GFUS: variants seen among roughly 807,000 people sequenced by gnomAD.
The protein encoded by GFUS is GDP-L-fucose synthase.
In GFUS, 42 loss-of-function variants were observed where a neutral mutation model predicts 41.5. That is an observed-to-expected ratio of 1.01 (90% CI 0.79 to 1.31). GFUS has a LOEUF of 1.31. Ranked by LOEUF, GFUS falls within the 50% of genes most tolerant of loss-of-function variation. The probability of loss-of-function intolerance (pLI) is 0.00; values close to 1 mark genes in which losing one functional copy is unlikely to be tolerated. For missense variants in GFUS, 437 were observed against 428.7 expected (o/e 1.02, Z -0.17); for synonymous variants, 188 against 173.4 (o/e 1.08, Z -0.66).
Position 143,612,939 on chromosome 8 carries a change from T to C in GFUS, c.937A>G (p.Thr313Ala), listed in dbSNP as rs755310981. The change falls in exon 11 of 11, where the codon ACT becomes GCT. Residue 313 changes from threonine (T) to alanine (A), a missense_variant. Transcript: ENST00000425753. ...QAVKETCAWF[T>A]DNYEQARK is the part of the protein sequence containing the mutation. ...TTCCGGGCCTGCTCGTAGTTGTCAG[T>C]GAACCAAGCACAGGTCTCCTTCACC... 6.2e-7 allele frequency: 1 copy of C among 1,610,752 alleles called. No homozygotes were observed. Among genetic ancestry groups the C allele is most frequent in the South Asian group, 1.1e-5 (1 of 90,576 alleles).
chr8:143,616,951 A>G, intron 1 of GFUS: 1 of 590,084 alleles, frequency 1.7e-6, no homozygotes, highest in Non-Finnish European at 3.0e-6. Context: ...AGCCCAGAGC[A>G]GCTGGTCCCA....
chr8:143,613,933 C>G (rs1404851559), intron 7 of GFUS, 116 bp from the exon 8 acceptor site: 2 of 1,261,714 alleles, frequency 1.6e-6, no homozygotes, highest in African/African-American at 1.5e-5. Context: ...GCCTGGGGAA[C>G]AGGGGTCCCT....
At position 143,613,761 on chromosome 8, in the gene GFUS, G is replaced by A. The variant is rs1201951552; in HGVS notation, c.720C>T (p.Ile240=). ...VLREYNEVEP[I]ILSVGEEDEV... Reference sequence around the variant, plus strand: ...GGCTGAGGTACCCACCGGAGAGGATGATGGGCTCCACTTCATTGTACTCCC... The same window carrying A: ...GGCTGAGGTACCCACCGGAGAGGATAATGGGCTCCACTTCATTGTACTCCC... The change falls in exon 8 of 11, where the codon ATC becomes ATT. Residue 240 remains isoleucine (I), a synonymous_variant. Coordinates refer to ENST00000425753, the MANE Select transcript of GFUS (RefSeq NM_003313.4). The A allele has an allele frequency of 3.9e-6, 6 of 1,551,080 alleles. No homozygotes were observed. In the Admixed American group the frequency reaches 1.2e-4, roughly 30 times the overall value.
At position 143,614,377 on chromosome 8, in the gene GFUS, T is replaced by TG; in HGVS notation, c.540dup (p.Asn181GlnfsTer56). 2 of 1,613,934 alleles carry TG rather than the reference T, an allele frequency of 1.2e-6. No homozygotes were observed. The highest frequency in any genetic ancestry group is 1.7e-6 in the Non-Finnish European group (2 of 1,179,970). ...GGCAGCACGTGGCCATCCTCGATGT[T>TG]GAAGTTGTCGTGGGGCCCGAAGACG... On this transcript the variant is annotated frameshift_variant, in exon 6 of 11. Coordinates refer to ENST00000425753, the MANE Select transcript of GFUS (RefSeq NM_003313.4). LOFTEE classifies it high-confidence loss of function.
intron 4 of GFUS, 24 bp downstream of exon 4, chr8:143,614,763 C>A (rs759797319): frequency 7.4e-6 from 12 of 1,613,348 alleles, no homozygotes; most frequent in Non-Finnish European, 1.0e-5. Context: ...CCGGCCCCAC[C>A]CACAGCCAGG....
chr8:143,616,728 A>C lies in GFUS; in HGVS notation c.-11-5T>G. ...GTTCACCCATGTCAGTTGCACCTGT[A>C]ATGTCAAACAGTGGGAGGCTGAGGT... On this transcript the variant is annotated splice_region_variant and splice_polypyrimidine_tract_variant and intron_variant, in intron 1 of 10. Transcript: ENST00000425753. 1 of 1,613,480 alleles carries C rather than the reference A, an allele frequency of 6.2e-7. No individual in the cohort carries two copies. Among genetic ancestry groups the C allele is most frequent in the Non-Finnish European group, 8.5e-7 (1 of 1,179,960 alleles).
In GFUS at chr8:143,614,390, G is replaced by A. The variant is rs1266434740; in HGVS notation, c.528C>T (p.Pro176=). 1 of 1,613,974 alleles carries A rather than the reference G, an allele frequency of 6.2e-7. No homozygotes were observed. The highest frequency in any genetic ancestry group is 8.5e-7 in the Non-Finnish European group (1 of 1,180,000). Residue 176 remains proline, a synonymous_variant, in exon 6 of 11, where the codon CCC becomes CCT. Coordinates refer to ENST00000425753, the MANE Select transcript of GFUS (RefSeq NM_003313.4). ...TAVIPTNVFG[P]HDNFNIEDGH... Reference sequence around the variant, plus strand: ...CATCCTCGATGTTGAAGTTGTCGTGGGGCCCGAAGACGTTGGTGGGGATGA... The same window carrying A: ...CATCCTCGATGTTGAAGTTGTCGTGAGGCCCGAAGACGTTGGTGGGGATGA...
rs545459469 is a variant in GFUS at position 143,617,492 on chromosome 8, C to G, written c.-30G>C. ...ACCTCACCTGCGTCCAGCCCCACCG[C>G]CGGCTCCCCGACAGCGGCTTCCGGC... On this transcript the variant is annotated 5_prime_UTR_variant, in exon 1 of 11. Coordinates refer to ENST00000425753, the MANE Select transcript of GFUS (RefSeq NM_003313.4). 241 of 152,404 alleles carry G rather than the reference C, an allele frequency of 1.6e-3. No homozygotes were observed. The highest frequency in any genetic ancestry group is 0.01 in the Middle Eastern group (3 of 292). 9.4% of individuals were successfully genotyped at this position (152,404 alleles called of 1,614,324 possible). A position where few individuals can be genotyped will look rare whatever the true frequency, so the allele number is the denominator to read the frequency against.
chr8:143,612,721 G>A lies in GFUS; in HGVS notation c.*189C>T, dbSNP rs374692513. ...GGGAGCAAAGCGCCGGGCCTGCCCG[G>A]GACCCTGGTTTCCCTGAGGACCAAC... On this transcript the variant is annotated 3_prime_UTR_variant, in exon 11 of 11. Coordinates refer to ENST00000425753, the MANE Select transcript of GFUS (RefSeq NM_003313.4). 1.7e-5 allele frequency: 12 copies of A among 694,338 alleles called. No homozygotes were observed. In the East Asian group the frequency reaches 2.2e-4, roughly 13 times the overall value. The allele number at this position is 694,338 out of a possible 1,614,324, so 43.0% of individuals were successfully genotyped here.
At chr8:143,614,282 A>C (rs761378153) in intron 6 of GFUS, 38 bp downstream of exon 6, 2 of 1,613,682 alleles carry the variant, frequency 1.2e-6, no homozygotes, top group South Asian at 2.2e-5. Flanking sequence ...CCTCCTCCCG[A>C]GCTGAGCCCG....
chr8:143,617,698 G>GC (rs1346708553), upstream of GFUS: 1 of 152,058 alleles, frequency 6.6e-6, no homozygotes, highest in Non-Finnish European at 1.5e-5. Context: ...CGCGCGGGCG[G>GC]GTCCCCGGAC....
chr8:143,613,562 C>T lies in GFUS; in HGVS notation c.772G>A (p.Ala258Thr), dbSNP rs755943518. The change falls in exon 9 of 11, where the codon GCG becomes ACG. Residue 258 changes from alanine to threonine, a missense_variant. By Grantham distance (58) the Ala-to-Thr change is moderately conservative. Transcript: ENST00000425753. Reference protein sequence around the residue: ...DEVSIKEAAEAVVEAMDFHGE... With the variant: ...DEVSIKEAAETVVEAMDFHGE... ...TGGAAGTCCATGGCCTCCACCACCG[C>T]CTCGGCTGCCTCCTTGATGGAGACC... 5.0e-6 allele frequency: 8 copies of T among 1,611,542 alleles called. No individual in the cohort carries two copies. The East Asian group carries it at 1.6e-4, about 31-fold the overall frequency.
rs574552976 is a variant in GFUS, at chr8:143,613,217, G to A, written c.889C>T (p.Arg297Trp). ...TCACCCTGCTTGAAGGGTGTGAACC[G>A]GAAGTCGGGCAGGTAGGTCCTCAGC... ...SKLRTYLPDF[R>W]FTPFKQAVKE... is the part of the protein sequence containing the mutation. The change falls in exon 10 of 11, where the codon CGG (arginine) becomes TGG (tryptophan). Residue 297 changes from arginine to tryptophan, a missense_variant. Arg to Trp is a moderately radical substitution (Grantham distance 101, BLOSUM62 -3). Coordinates refer to ENST00000425753, the MANE Select transcript of GFUS (RefSeq NM_003313.4). 70 of 1,614,004 alleles carry A rather than the reference G, an allele frequency of 4.3e-5. 1 individual carries two copies. The South Asian group carries it at 4.4e-4, about 10-fold the overall frequency.
chr8:143,612,915 T>A lies in GFUS; in HGVS notation c.961A>T (p.Lys321Ter). 1.2e-6 allele frequency: 2 copies of A among 1,608,440 alleles called. No individual in the cohort carries two copies. The highest frequency in any genetic ancestry group is 1.7e-6 in the Non-Finnish European group (2 of 1,178,022). Residue 321 changes from lysine to a stop codon, truncating the protein, a stop_gained, in exon 11 of 11, where the codon AAG becomes TAG. Coordinates refer to ENST00000425753, the MANE Select transcript of GFUS (RefSeq NM_003313.4). LOFTEE classifies it high-confidence loss of function. The stretch of plus-strand genomic sequence containing the variant: ...CCTGATCCTGTCTTCCAGCTTCACT[T>A]CCGGGCCTGCTCGTAGTTGTCAGTG... ...WFTDNYEQAR[K>*]
At chr8:143,617,748 G>A (rs1394557602), upstream of GFUS, among the ~76,000 whole-genome samples, 1 of 152,124 alleles carries the variant, frequency 6.6e-6, no homozygotes, top group Non-Finnish European at 1.5e-5. Flanking sequence ...GCGGGGCGCT[G>A]GGCCCAGGCC....
upstream of GFUS, chr8:143,617,645 G>C (rs1374715126): frequency 6.6e-6 from 1 of 152,136 alleles, no homozygotes; most frequent in Non-Finnish European, 1.5e-5. Flanking sequence ...TGGAGTCCGC[G>C]GCCGCAAAGC....
At chr8:143,616,035 G>C in intron 3 of GFUS, 71 bp downstream of exon 3, 4 of 1,335,308 alleles carry the variant, frequency 3.0e-6, no homozygotes. Flanking sequence ...GTGAGAGTGG[G>C]AAGCCCGCCA....
chr8:143,613,219 A>C lies in GFUS; in HGVS notation c.887T>G (p.Phe296Cys), dbSNP rs976133081. ...ACCCTGCTTGAAGGGTGTGAACCGGAAGTCGGGCAGGTAGGTCCTCAGCTT... is the reference window on the plus strand; with the variant it reads ...ACCCTGCTTGAAGGGTGTGAACCGGCAGTCGGGCAGGTAGGTCCTCAGCTT... ...NSKLRTYLPD[F>C]RFTPFKQAVK... Residue 296 changes from phenylalanine (F) to cysteine (C), a missense_variant, in exon 10 of 11, where the codon TTC (phenylalanine) becomes TGC (cysteine). By Grantham distance (205) the Phe-to-Cys change is radical. Transcript: ENST00000425753. The C allele has an allele frequency of 1.9e-6, 3 of 1,613,960 alleles. No individual in the cohort carries two copies. Among genetic ancestry groups the C allele is most frequent in the South Asian group, 2.2e-5 (2 of 91,080 alleles).
chr8:143,614,182 C>T lies in GFUS; in HGVS notation c.645G>A (p.Arg215=), dbSNP rs756871702. ...LTVWGTGNPR[R]QFIYSLDLAQ... ...TACGCACCAGCGAGTATATGAACTG[C>T]CTCCGCGGATTCCCTGTACCCCACA... The change falls in exon 7 of 11, where the codon AGG becomes AGA. Residue 215 remains arginine, a synonymous_variant. Transcript: ENST00000425753. The T allele has an allele frequency of 1.9e-6, 3 of 1,613,520 alleles. No individual in the cohort carries two copies. The highest frequency in any genetic ancestry group is 2.2e-5 in the East Asian group (1 of 44,884).
Sources: gnomAD v4.1 joint callset for allele counts (sites outside exome capture counted in the v4.1 genomes callset) on GRCh38, gnomAD v4.1.1 for gene constraint, MANE v1.5 for transcripts, NCBI Gene and HGNC (gene_info 2026-07-23, HGNC 2026-07-21) for gene names.